SPATA6L: variants seen among roughly 807,000 people sequenced by gnomAD.
SPATA6L encodes spermatogenesis associated 6 like.
A neutral mutation model predicts 49.2 loss-of-function variants in SPATA6L; 68 were observed. The ratio of observed to expected loss-of-function variants is 1.38; its 90% CI spans 1.14 to 1.69. SPATA6L has a LOEUF of 1.69. SPATA6L is among the 40% of genes most tolerant of loss of function. SPATA6L has a pLI of 0.00. For synonymous variants in SPATA6L, 198 were observed against 165.7 expected, an observed-to-expected ratio of 1.19 and a Z score of -1.50; for missense variants, 668 against 464.3, an observed-to-expected ratio of 1.44 and a Z score of -4.03.
At chr9:4,651,962 T>G (rs72694085) in intron 3 of SPATA6L, among the ~76,000 whole-genome samples, 3,525 of 149,678 alleles carry the variant, frequency 0.024, 59 homozygotes, top group Non-Finnish European at 0.037. Flanking sequence ...AAATTAGACA[T>G]GAAAATGAAA....
rs1021946578 is a variant in SPATA6L, at chr9:4,662,414, G to C, written c.40-378C>G. On this transcript the variant is annotated intron_variant, in intron 1 of 11. Transcript: ENST00000682582. This position sits in a 1 kb window ranked among gnomAD's most constrained non-coding sequence, Gnocchi z 4.9. ...GGAGGAGCATGGAGGGACGGCCGCT[G>C]GGCGTCTCCGCTTCGAGCAGCAGCA... 34 of 1,537,136 alleles carry C rather than the reference G, an allele frequency of 2.2e-5. No homozygotes were observed. The highest frequency in any genetic ancestry group is 2.9e-5 in the Non-Finnish European group (33 of 1,149,854).
intron 5 of SPATA6L, chr9:4,626,703 G>GGATATATAT: frequency 1.9e-6 from 1 of 536,162 alleles, no homozygotes. Context: ...TTCCTGACTG[G>GGATATATAT]ACCCTGGCTG....
rs367658761 is a variant in SPATA6L at position 4,625,443 on chromosome 9, G to A, written c.553C>T (p.Arg185Trp). 24 of 1,613,968 alleles carry A rather than the reference G, an allele frequency of 1.5e-5. No homozygotes were observed. Among genetic ancestry groups the A allele is most frequent in the East Asian group, 1.1e-4 (5 of 44,892 alleles). ...LNRLPKGMQA[R>W]APSQYSTRHF... ...CTGGTAGAATATTGAGAGGGCGCCCGGGCTTGCATGCCTTTGGGCAGTCTG... is the reference window on the plus strand; with the variant it reads ...CTGGTAGAATATTGAGAGGGCGCCCAGGCTTGCATGCCTTTGGGCAGTCTG... Residue 185 changes from arginine (R) to tryptophan (W), a missense_variant, in exon 6 of 12, where the codon CGG (arginine) becomes TGG (tryptophan). Physicochemically the swap from Arg to Trp is moderately radical, Grantham distance 101. Coordinates refer to ENST00000682582, the MANE Select transcript of SPATA6L (RefSeq NM_001353486.2).
intron 1 of SPATA6L, 148 bp downstream of exon 1, chr9:4,666,064 G>T: frequency 1.5e-6 from 1 of 671,316 alleles, no homozygotes; most frequent in Non-Finnish European, 2.5e-6. Flanking sequence ...AAACCAATAT[G>T]GAGAAAAAGA....
At chr9:4,594,702 A>G (rs575055011), downstream of SPATA6L, among the ~76,000 whole-genome samples, 1 of 152,242 alleles carries the variant, frequency 6.6e-6, no homozygotes, top group South Asian at 2.1e-4. Context: ...CTCTTTGTGA[A>G]GCGAGTGACC....
At chr9:4,592,800 G>A (rs1821994339) in intron 13 of SPATA6L, among the ~76,000 whole-genome samples, 1 of 152,200 alleles carries the variant, frequency 6.6e-6, no homozygotes, top group Admixed American at 6.5e-5. Context: ...AATAAATAAA[G>A]AAGGTGAGAG....
At chr9:4,627,627 C>G (rs754196740) in intron 5 of SPATA6L, 3 of 679,976 alleles carry the variant, frequency 4.4e-6, no homozygotes, top group South Asian at 3.6e-5. Context: ...GTGGCAACAA[C>G]ATTATATGCA....
Position 4,662,483 on chromosome 9 carries a change from C to A in SPATA6L, c.40-447G>T. ...CCCATGGCGGCGGTGGCGGCGGCAG[C>A]AGGTTTGAGTTCCAGTCCCTGCTCA... On this transcript the variant is annotated intron_variant, in intron 1 of 11. Coordinates refer to ENST00000682582, the MANE Select transcript of SPATA6L (RefSeq NM_001353486.2). The surrounding 1 kb of genome is among the most constrained non-coding windows in gnomAD (Gnocchi z 4.9). The A allele has an allele frequency of 1.3e-6, 2 of 1,553,330 alleles. No homozygotes were observed. Among genetic ancestry groups the A allele is most frequent in the Non-Finnish European group, 1.7e-6 (2 of 1,159,316 alleles).
Position 4,663,428 on chromosome 9 carries a change from C to G in SPATA6L, c.40-1392G>C, listed in dbSNP as rs1047565209. 5.4e-6 allele frequency: 4 copies of G among 734,030 alleles called. No individual in the cohort carries two copies. The African/African-American group carries it at 7.0e-5, about 13-fold the overall frequency. The allele number at this position is 734,030 out of a possible 1,614,324, so 45.5% of individuals were successfully genotyped here. ...ATGTGCTGCTAGGCTGGAGCACACA[C>G]TGGCCATTACTGAACACAGCCATAT... On this transcript the variant is annotated intron_variant, in intron 1 of 11. Coordinates refer to ENST00000682582, the MANE Select transcript of SPATA6L (RefSeq NM_001353486.2).
At position 4,646,581 on chromosome 9, in the gene SPATA6L, CA is replaced by C. The variant is rs1285047563; in HGVS notation, c.226+9459del. ...ACTTCCAAAAATTGCCACAGTCTTT[CA>C]ATAATTATTAAGTTTTAAACTGTCA... On this transcript the variant is annotated intron_variant, in intron 3 of 11. Transcript: ENST00000682582. The C allele has an allele frequency of 8.1e-6, 9 of 1,113,922 alleles. 1 individual carries two copies. Among genetic ancestry groups the C allele is most frequent in the Non-Finnish European group, 1.1e-5 (9 of 797,172 alleles). 69.0% of individuals were successfully genotyped at this position (1,113,922 alleles called of 1,614,324 possible). A position where few individuals can be genotyped will look rare whatever the true frequency, so the allele number is the denominator to read the frequency against.
intron 3 of SPATA6L, among the ~76,000 whole-genome samples, chr9:4,638,753 G>T (rs1481324021): frequency 6.6e-6 from 1 of 151,754 alleles, no homozygotes; most frequent in East Asian, 1.9e-4. Flanking sequence ...GAAGCTTATA[G>T]TGTTAAGAAC....
intron 11 of SPATA6L, among the ~76,000 whole-genome samples, chr9:4,602,623 A>C (rs990018022): frequency 6.6e-6 from 1 of 152,174 alleles, no homozygotes; most frequent in African/African-American, 2.4e-5. Flanking sequence ...AGGACTATAC[A>C]GGACAAAGCT....
chr9:4,618,767 C>T (rs149253649), intron 8 of SPATA6L, 97 bp downstream of exon 8: 2 of 1,125,372 alleles, frequency 1.8e-6, no homozygotes, highest in South Asian at 1.4e-5. Flanking sequence ...CCTAAGCAGA[C>T]TAACTAGAAA....
intron 11 of SPATA6L, among the ~76,000 whole-genome samples, chr9:4,602,999 CT>C (rs1823744001): frequency 6.6e-6 from 1 of 152,222 alleles, no homozygotes; most frequent in East Asian, 1.9e-4. Context: ...TTATTCTGGG[CT>C]TGAATGGAAA....
At chr9:4,605,912 A>T (rs1037162585) in intron 9 of SPATA6L, among the ~76,000 whole-genome samples, 4 of 152,148 alleles carry the variant, frequency 2.6e-5, no homozygotes, top group East Asian at 1.9e-4. Context: ...GGTTCATCTC[A>T]CTAGGGAGTG....
At chr9:4,663,222 C>G (rs745768022) in intron 1 of SPATA6L, 4 of 1,614,022 alleles carry the variant, frequency 2.5e-6, no homozygotes, top group African/African-American at 1.3e-5. Context: ...GCTCTCACCC[C>G]ATAATGCTCC....
chr9:4,655,839 C>T (rs961562926), intron 3 of SPATA6L, among the ~76,000 whole-genome samples: 3 of 152,120 alleles, frequency 2.0e-5, no homozygotes, highest in Non-Finnish European at 4.4e-5. Context: ...ATGTGAGCCA[C>T]CGTGCCCAGC....
In SPATA6L at chr9:4,661,074, G is replaced by A. The variant is rs866768779; in HGVS notation, c.177+825C>T. ...TTAATGGGTGCAGCACACCAACATG[G>A]CACATGTATACATATATAACAAACC... is the stretch of plus-strand genomic sequence containing the variant. On this transcript the variant is annotated intron_variant, in intron 2 of 11. Coordinates refer to ENST00000682582, the MANE Select transcript of SPATA6L (RefSeq NM_001353486.2). 6.6e-5 allele frequency among the ~76,000 whole-genome samples: 10 copies of A among 152,212 alleles called. No individual in the cohort carries two copies. The South Asian group carries it at 2.1e-3, about 32-fold the overall frequency.
chr9:4,635,877 C>T (rs928682015), intron 3 of SPATA6L, among the ~76,000 whole-genome samples: 9 of 152,134 alleles, frequency 5.9e-5, no homozygotes, highest in African/African-American at 2.2e-4. Flanking sequence ...ACCCCGAGGA[C>T]ATTTTGGACA....
Sources: allele counts gnomAD v4.1 joint callset (sites outside exome capture counted in the v4.1 genomes callset), GRCh38; gene constraint gnomAD v4.1.1; non-coding constraint Gnocchi (gnomAD v3.1); transcripts MANE v1.5; gene names NCBI Gene and HGNC (gene_info 2026-07-23, HGNC 2026-07-21).